KATNIP: variants seen among roughly 807,000 people sequenced by gnomAD.
KATNIP encodes katanin interacting protein, also known as katanin-interacting protein.
Under a neutral mutation model 174.0 loss-of-function variants are expected in KATNIP, and 126 were observed. The ratio of observed to expected loss-of-function variants is 0.72; its 90% CI spans 0.63 to 0.84. The LOEUF is 0.84. Ranked by LOEUF, KATNIP falls within the 40% of genes least tolerant of loss-of-function variation. The pLI is 0.00. For synonymous variants in KATNIP, 810 were observed against 835.7 expected, an observed-to-expected ratio of 0.97 and a Z score of 0.53; for missense variants, 1,958 against 2,109.7, an observed-to-expected ratio of 0.93 and a Z score of 1.41.
intron 2 of KATNIP, among the ~76,000 whole-genome samples, chr16:27,578,857 C>T (rs534389624): frequency 8.5e-5 from 13 of 152,132 alleles, no homozygotes; most frequent in Non-Finnish European, 1.5e-4. Context: ...GGATTACAGG[C>T]GTGAGTCACT....
At chr16:27,729,796 C>G (rs2080590859) in intron 14 of KATNIP, among the ~76,000 whole-genome samples, 1 of 152,236 alleles carries the variant, frequency 6.6e-6, no homozygotes, top group South Asian at 2.1e-4. Flanking sequence ...CTCTGACTTC[C>G]CTTTGCCCCT....
Position 27,721,640 on chromosome 16 carries a change from TG to T in KATNIP, c.1693del (p.Asp565ThrfsTer26), listed in dbSNP as rs2080247901. 1 of 1,614,166 alleles carries T rather than the reference TG, an allele frequency of 6.2e-7. No individual in the cohort carries two copies. Among genetic ancestry groups the T allele is most frequent in the African/African-American group, 1.3e-5 (1 of 75,048 alleles). On this transcript the variant is annotated frameshift_variant, in exon 14 of 28. Transcript: ENST00000261588. LOFTEE classifies it high-confidence loss of function. ...TTTGTTATTCGAAACACAAGACAGC[TG>T]GGGGACTTCCATCTGGCCAAGATCA... Reference protein sequence around the residue: ...LFFVIRNTRQLGDFHLAKIKV... With the variant: ...LFFVIRNTRQXGDFHLAKIKV...
chr16:27,674,864 C>T (rs139896823), intron 6 of KATNIP, among the ~76,000 whole-genome samples: 16 of 152,260 alleles, frequency 1.1e-4, no homozygotes, highest in African/African-American at 3.6e-4. Flanking sequence ...AATCCATTAC[C>T]GTAACAACTC....
chr16:27,772,204 C>G (rs777272852), intron 22 of KATNIP, among the ~76,000 whole-genome samples: 2 of 152,124 alleles, frequency 1.3e-5, no homozygotes, highest in Non-Finnish European at 2.9e-5. Context: ...CCCAGGAGTT[C>G]GAGGCTGCAG....
intron 5 of KATNIP, among the ~76,000 whole-genome samples, chr16:27,641,614 C>T (rs374237234): frequency 8.5e-5 from 13 of 152,330 alleles, no homozygotes; most frequent in African/African-American, 2.9e-4. Context: ...ATGTGCTGGA[C>T]AGGCAGAAGC....
intron 23 of KATNIP, among the ~76,000 whole-genome samples, chr16:27,774,257 T>C (rs1304524091): frequency 6.6e-6 from 1 of 152,198 alleles, no homozygotes; most frequent in Admixed American, 6.5e-5. Context: ...GAATGATTCT[T>C]GATGTTTTAG....
At chr16:27,648,773 AGG>A (rs754063652) in intron 6 of KATNIP, 38 bp downstream of exon 6, 2 of 1,600,438 alleles carry the variant, frequency 1.2e-6, no homozygotes, top group African/African-American at 2.7e-5. Context: ...GGACACCTGA[AGG>A]ACGGCGAGGC....
Position 27,609,695 on chromosome 16 carries a change from A to G in KATNIP, c.64-8730A>G, listed in dbSNP as rs1204790374. 1.3e-4 allele frequency among the ~76,000 whole-genome samples: 17 copies of G among 131,096 alleles called. No individual in the cohort carries two copies. The East Asian group carries it at 1.6e-3, about 12-fold the overall frequency. 86.0% of individuals were successfully genotyped at this position (131,096 alleles called of 152,430 possible). On this transcript the variant is annotated intron_variant, in intron 2 of 27. Coordinates refer to ENST00000261588, the MANE Select transcript of KATNIP (RefSeq NM_015202.5). ...GTGAGCCACCGCGCCCTGCCAAGTC[A>G]TTTTTTTTTTTTTTTGAGGTGGAGT...
At chr16:27,587,611 AGCCTACCTTAAATGT>A (rs1330264586) in intron 2 of KATNIP, among the ~76,000 whole-genome samples, 1 of 152,240 alleles carries the variant, frequency 6.6e-6, no homozygotes, top group African/African-American at 2.4e-5. Context: ...AGCTCAACCT[AGCCTACCTTAAATGT>A]GCTCACGGCA....
chr16:27,669,824 G>C (rs72788541), intron 6 of KATNIP, among the ~76,000 whole-genome samples: 2,297 of 150,634 alleles, frequency 0.015, 31 homozygotes, highest in Non-Finnish European at 0.024. Context: ...TTTTCTTTGG[G>C]GAGAGGGAAT....
intron 8 of KATNIP, among the ~76,000 whole-genome samples, chr16:27,689,679 GCTAA>G (rs1020656036): frequency 6.6e-6 from 1 of 152,162 alleles, no homozygotes; most frequent in Non-Finnish European, 1.5e-5. Context: ...AGGTCTGTCG[GCTAA>G]CTATTACTGC....
intron 15 of KATNIP, among the ~76,000 whole-genome samples, chr16:27,744,654 G>A (rs957837079): frequency 1.7e-4 from 26 of 152,054 alleles, no homozygotes; most frequent in African/African-American, 5.1e-4. Flanking sequence ...AGGCTGAGAC[G>A]GGAAGATCAC....
chr16:27,725,872 AG>A (rs2080428649), intron 14 of KATNIP, among the ~76,000 whole-genome samples: 1 of 151,592 alleles, frequency 6.6e-6, no homozygotes, highest in African/African-American at 2.4e-5. Flanking sequence ...ACAGGCACCC[AG>A]GGTATATTTT....
intron 6 of KATNIP, among the ~76,000 whole-genome samples, chr16:27,655,065 G>A (rs1195717143): frequency 6.6e-6 from 1 of 151,082 alleles, no homozygotes; most frequent in African/African-American, 2.4e-5. Context: ...GGAATTCAAG[G>A]TTGCAGTGAG....
chr16:27,587,516 C>T (rs770739476), intron 2 of KATNIP, among the ~76,000 whole-genome samples: 1 of 152,208 alleles, frequency 6.6e-6, no homozygotes, highest in African/African-American at 2.4e-5. Context: ...ATCACTATTA[C>T]AGATGCTCCT....
In KATNIP at chr16:27,749,775, C is replaced by T. The variant is rs144255934; in HGVS notation, c.2815C>T (p.Pro939Ser). The T allele has an allele frequency of 6.1e-5, 98 of 1,609,152 alleles. No homozygotes were observed. Among genetic ancestry groups the T allele is most frequent in the Non-Finnish European group, 7.8e-5 (92 of 1,177,204 alleles). ...AAAGAGCAGCCGGCACAGCGACTTG[C>T]CCCCCTCCAAGAAGGGGGAGCAGCC... ...QQKSSRHSDL[P>S]PSKKGEQPGL... The change falls in exon 16 of 28, where the codon CCC becomes TCC. Residue 939 changes from proline (P) to serine (S), a missense_variant. Physicochemically the swap from Pro to Ser is moderately conservative, Grantham distance 74. Coordinates refer to ENST00000261588, the MANE Select transcript of KATNIP (RefSeq NM_015202.5).
At chr16:27,606,139 G>T (rs2075696335) in intron 2 of KATNIP, among the ~76,000 whole-genome samples, 1 of 151,856 alleles carries the variant, frequency 6.6e-6, no homozygotes, top group Admixed American at 6.6e-5. Flanking sequence ...CAAAAAAAAA[G>T]AGAAAAAGAA....
chr16:27,736,990 C>T lies in KATNIP; in HGVS notation c.1744-3051C>T, dbSNP rs548833124. On this transcript the variant is annotated intron_variant, in intron 14 of 27. Transcript: ENST00000261588. ...ATATGAGTGAGAAAGTGAGAGGGGA[C>T]GAGGGGACGGCAAGCTTTTTAGCAA... Among the ~76,000 whole-genome samples, 8 of 152,130 alleles carry T rather than the reference C, an allele frequency of 5.3e-5. No individual in the cohort carries two copies. In the East Asian group the frequency reaches 1.4e-3, roughly 26 times the overall value.
chr16:27,754,234 G>A lies in KATNIP; in HGVS notation c.3614G>A (p.Gly1205Asp). The change falls in exon 18 of 28, where the codon GGC becomes GAC. Residue 1205 changes from glycine (G) to aspartate (D), a missense_variant. Physicochemically the swap from Gly to Asp is moderately conservative, Grantham distance 94 (BLOSUM62 -1). Transcript: ENST00000261588. Reference protein sequence around the residue: ...PVPQVTTPEPGIYHGICLQLN... With the variant: ...PVPQVTTPEPDIYHGICLQLN... ...CCCCAAGTCACCACGCCAGAGCCAGGCATCTACCACGGAATCTGTGAGTAG... is the reference window on the plus strand; with the variant it reads ...CCCCAAGTCACCACGCCAGAGCCAGACATCTACCACGGAATCTGTGAGTAG... 1 of 1,614,098 alleles carries A rather than the reference G, an allele frequency of 6.2e-7. No individual in the cohort carries two copies. The highest frequency in any genetic ancestry group is 8.5e-7 in the Non-Finnish European group (1 of 1,179,936).
Sources: gnomAD v4.1 joint callset for allele counts (sites outside exome capture counted in the v4.1 genomes callset) on GRCh38, gnomAD v4.1.1 for gene constraint, MANE v1.5 for transcripts, NCBI Gene and HGNC (gene_info 2026-07-23, HGNC 2026-07-21) for gene names.